Variants in RYR2 observed in about 807,000 individuals in gnomAD.
RYR2 encodes ryanodine receptor 2.
A neutral mutation model predicts 601.1 loss-of-function variants in RYR2; 227 were observed. That is an observed-to-expected ratio of 0.38 (90% CI 0.34 to 0.42). The LOEUF (loss-of-function observed/expected upper bound fraction) is 0.42. RYR2 is among the 10% of genes least tolerant of loss of function. RYR2 has a pLI of 1.00. For missense variants in RYR2, 4,646 were observed against 6,156.5 expected (o/e 0.75, Z 8.21); for synonymous variants, 2,223 against 2,175.1 (o/e 1.02, Z -0.61).
At chr1:237,535,461 A>G (rs1668511199) in intron 25 of RYR2, among the ~76,000 whole-genome samples, 2 of 149,006 alleles carry the variant, frequency 1.3e-5, no homozygotes, top group African/African-American at 4.9e-5. Context: ...TATAACTATT[A>G]AAGGAATTGA....
chr1:237,447,253 T>C (rs1457830823), intron 14 of RYR2, among the ~76,000 whole-genome samples: 1 of 152,216 alleles, frequency 6.6e-6, no homozygotes. Flanking sequence ...CTCAGTGTTA[T>C]AGACATAATG....
chr1:237,440,328 AG>A (rs1707793678), intron 12 of RYR2, among the ~76,000 whole-genome samples: 2 of 152,218 alleles, frequency 1.3e-5, no homozygotes, highest in Admixed American at 1.3e-4. Context: ...ATAAGACCAA[AG>A]ACATAGAAGA....
chr1:237,298,701 T>A (rs537839371), intron 2 of RYR2, among the ~76,000 whole-genome samples: 5 of 152,194 alleles, frequency 3.3e-5, no homozygotes, highest in Middle Eastern at 3.4e-3. Context: ...AAAAATATAT[T>A]TTTTTAAAGA....
At position 237,781,655 on chromosome 1, in the gene RYR2, G is replaced by GATTT. The variant is rs753831596; in HGVS notation, c.11962+12_11962+15dup. The GATTT allele has an allele frequency of 2.1e-6, 3 of 1,451,906 alleles. No individual in the cohort carries two copies. The East Asian group carries it at 7.0e-5, about 34-fold the overall frequency. The allele number at this position is 1,451,906 out of a possible 1,614,324, so 89.9% of individuals were successfully genotyped here. On this transcript the variant is annotated intron_variant, in intron 89 of 104. Transcript: ENST00000366574. Reference sequence around the variant, plus strand: ...GCTGTCCATGTTAGAAGGTAGTTTTGATTTATACTTTTAAATTCTCTTTAT... The same window carrying GATTT: ...GCTGTCCATGTTAGAAGGTAGTTTTGATTTATTTATACTTTTAAATTCTCTTTAT...
intron 1 of RYR2, among the ~76,000 whole-genome samples, chr1:237,242,198 T>TTTTTTTTTGTTTG (rs928421124): frequency 7.4e-4 from 112 of 150,606 alleles, no homozygotes; most frequent in African/African-American, 2.6e-3. Context: ...TCACTGTTTT[T>TTTTTTTTTGTTTG]TTTGTTTGTT....
At chr1:237,569,391 C>A in intron 29 of RYR2, 72 bp downstream of exon 29, 2 of 1,470,832 alleles carry the variant, frequency 1.4e-6, no homozygotes, top group Admixed American at 2.0e-5. Context: ...GGCTTCCTAA[C>A]CGGGCGTTTC....
intron 10 of RYR2, among the ~76,000 whole-genome samples, chr1:237,414,533 G>A (rs944014350): frequency 1.3e-5 from 2 of 151,988 alleles, no homozygotes; most frequent in African/African-American, 4.8e-5. Flanking sequence ...ACGATATATG[G>A]CACAAAATTA....
chr1:237,166,808 G>A (rs575553350), intron 1 of RYR2, among the ~76,000 whole-genome samples: 44 of 152,284 alleles, frequency 2.9e-4, no homozygotes, highest in African/African-American at 9.1e-4. Flanking sequence ...GTTCAGAGAT[G>A]AGAAAATAAA....
chr1:237,303,033 C>CT (rs1172988369), intron 2 of RYR2, among the ~76,000 whole-genome samples: 2 of 152,138 alleles, frequency 1.3e-5, no homozygotes, highest in African/African-American at 4.8e-5. Context: ...CATAAGATCT[C>CT]TGTTTTGAAA....
In RYR2 at chr1:237,539,470, C is replaced by T. The variant is rs570461962; in HGVS notation, c.2906+8960C>T. 1.8e-4 allele frequency among the ~76,000 whole-genome samples: 27 copies of T among 152,320 alleles called. 1 individual carries two copies. The South Asian group carries it at 5.0e-3, about 28-fold the overall frequency. On this transcript the variant is annotated intron_variant, in intron 25 of 104. Coordinates refer to ENST00000366574, the MANE Select transcript of RYR2 (RefSeq NM_001035.3). ...TATATTTTAGAGACATTTTGATAAT[C>T]GGTCAAGTTCAATATATCAATTGGA...
At chr1:237,805,804 T>C (rs142128907) in intron 98 of RYR2, among the ~76,000 whole-genome samples, 7 of 152,260 alleles carry the variant, frequency 4.6e-5, no homozygotes, top group Non-Finnish European at 1.0e-4. Flanking sequence ...GAACATTTAA[T>C]ATCCCCCTTC....
intron 46 of RYR2, 32 bp from the exon 47 acceptor site, chr1:237,640,865 G>T: frequency 6.4e-7 from 1 of 1,556,056 alleles, no homozygotes; most frequent in Non-Finnish European, 8.8e-7. Context: ...TATCCCATTT[G>T]CTTTCTCTTT....
At chr1:237,345,489 A>AT (rs1698226656) in intron 3 of RYR2, among the ~76,000 whole-genome samples, 3 of 151,276 alleles carry the variant, frequency 2.0e-5, no homozygotes, top group Admixed American at 6.6e-5. Context: ...AATAAAAAAA[A>AT]ATATATATAT....
rs751261477 is a variant in RYR2, at chr1:237,439,137, G to A, written c.1006-2182G>A. Reference sequence around the variant, plus strand: ...GATGCTTTTACTAGATGTCACATTTGTTGTTCATGCTGTACTTCAGCTTAC... The same window carrying A: ...GATGCTTTTACTAGATGTCACATTTATTGTTCATGCTGTACTTCAGCTTAC... On this transcript the variant is annotated intron_variant, in intron 12 of 104. Coordinates refer to ENST00000366574, the MANE Select transcript of RYR2 (RefSeq NM_001035.3). Among the ~76,000 whole-genome samples the A allele has an allele frequency of 8.6e-5, 13 of 151,994 alleles. 1 individual carries two copies. The highest frequency in any genetic ancestry group is 6.8e-3 in the Middle Eastern group (2 of 294).
intron 35 of RYR2, among the ~76,000 whole-genome samples, chr1:237,605,461 A>G (rs1021777250): frequency 1.3e-5 from 2 of 152,230 alleles, no homozygotes; most frequent in Middle Eastern, 3.2e-3. Context: ...CCCACAGCCA[A>G]TATCATACTG....
intron 74 of RYR2, among the ~76,000 whole-genome samples, chr1:237,725,606 A>G (rs959434213): frequency 1.1e-4 from 16 of 152,272 alleles, no homozygotes; most frequent in Middle Eastern, 3.4e-3. Flanking sequence ...CAGCACATCA[A>G]GACATTCAGA....
intron 1 of RYR2, among the ~76,000 whole-genome samples, chr1:237,196,875 A>C (rs1680631142): frequency 6.6e-6 from 1 of 152,114 alleles, no homozygotes; most frequent in East Asian, 1.9e-4. Context: ...ATAACTTTAT[A>C]ATATCGAGCC....
chr1:237,608,955 C>A (rs1677476707), intron 35 of RYR2, among the ~76,000 whole-genome samples: 2 of 151,972 alleles, frequency 1.3e-5, no homozygotes, highest in Admixed American at 1.3e-4. Flanking sequence ...CCATACTGGA[C>A]TGCTTGCTCT....
intron 29 of RYR2, 29 bp downstream of exon 29, chr1:237,569,348 T>C (rs1426381579): frequency 1.2e-6 from 2 of 1,602,310 alleles, no homozygotes; most frequent in Admixed American, 3.4e-5. Context: ...GTGTTTTTTT[T>C]AAGTTTGCAG....
Sources: allele counts gnomAD v4.1 joint callset (sites outside exome capture counted in the v4.1 genomes callset), GRCh38; gene constraint gnomAD v4.1.1; transcripts MANE v1.5; gene names NCBI Gene and HGNC (gene_info 2026-07-23, HGNC 2026-07-21).